FGF14: variants seen among roughly 807,000 people sequenced by gnomAD.
FGF14 encodes fibroblast growth factor homologous factor 4.
FGF14 carries 5 observed loss-of-function variants against 25.5 expected under a neutral mutation model. That is an observed-to-expected ratio of 0.20 (90% CI 0.10 to 0.41). FGF14 has a LOEUF of 0.41. Ranked by LOEUF, FGF14 falls within the 10% of genes least tolerant of loss-of-function variation. The pLI, the probability that FGF14 is intolerant of heterozygous loss-of-function variation, is 1.00. For synonymous variants in FGF14, 138 were observed against 118.3 expected, an observed-to-expected ratio of 1.17 and a Z score of -1.08; for missense variants, 222 against 320.1, an observed-to-expected ratio of 0.69 and a Z score of 2.34.
chr13:101,918,517 C>G (rs112107447), upstream of FGF14, among the ~76,000 whole-genome samples: 159 of 152,290 alleles, frequency 1.0e-3, no homozygotes, highest in African/African-American at 3.6e-3. Flanking sequence ...AAGCACACTA[C>G]GCAGGCAGCC....
chr13:101,736,668 G>C lies in FGF14; in HGVS notation c.409-9858C>G, dbSNP rs2036209994. On this transcript the variant is annotated intron_variant, in intron 3 of 4. Coordinates refer to ENST00000376143, the MANE Select transcript of FGF14 (RefSeq NM_004115.4). ...TAAAGGAGAGCTAAGGTGAGAATTG[G>C]TGATGGTTAATATTTATTTACTTAT... Among the ~76,000 whole-genome samples, 4 of 152,116 alleles carry C rather than the reference G, an allele frequency of 2.6e-5. No individual in the cohort carries two copies. The South Asian group carries it at 8.3e-4, about 32-fold the overall frequency.
At chr13:102,262,530 T>C (rs2052768835) in intron 1 of FGF14, among the ~76,000 whole-genome samples, 1 of 152,136 alleles carries the variant, frequency 6.6e-6, no homozygotes, top group African/African-American at 2.4e-5. Flanking sequence ...CTTTCTAAAA[T>C]TCCTAGCAGG....
At chr13:102,311,497 A>T (rs1488265783) in intron 1 of FGF14, among the ~76,000 whole-genome samples, 1 of 152,178 alleles carries the variant, frequency 6.6e-6, no homozygotes, top group Non-Finnish European at 1.5e-5. Context: ...GGCCGATTTA[A>T]AAGTCACCTC....
At chr13:102,162,120 T>C (rs1381756877) in intron 1 of FGF14, among the ~76,000 whole-genome samples, 1 of 152,184 alleles carries the variant, frequency 6.6e-6, no homozygotes, top group Non-Finnish European at 1.5e-5. Context: ...GAGGAGGGAC[T>C]AGAACAAGTT....
intron 3 of FGF14, among the ~76,000 whole-genome samples, chr13:101,776,679 G>C (rs139793712): frequency 1.3e-5 from 2 of 152,124 alleles, no homozygotes; most frequent in African/African-American, 4.8e-5. Context: ...AGATCTGGTC[G>C]CATGAAGCAT....
intron 1 of FGF14, among the ~76,000 whole-genome samples, chr13:101,879,934 G>A (rs1240702246): frequency 1.3e-5 from 2 of 152,066 alleles, no homozygotes; most frequent in African/African-American, 2.4e-5. Context: ...CTGTGTCCAG[G>A]AACTTTTCCA....
At chr13:101,960,606 G>T (rs931379256) in intron 1 of FGF14, among the ~76,000 whole-genome samples, 2 of 152,052 alleles carry the variant, frequency 1.3e-5, no homozygotes, top group Non-Finnish European at 2.9e-5. Flanking sequence ...TGGGCATTTA[G>T]GTTGATTCCA....
At chr13:102,039,444 T>C (rs2139987845) in intron 1 of FGF14, among the ~76,000 whole-genome samples, 1 of 152,166 alleles carries the variant, frequency 6.6e-6, no homozygotes, top group East Asian at 1.9e-4. Flanking sequence ...GAAGCCAAAA[T>C]CAAGGGGCCA....
At chr13:102,087,403 ATTTC>A (rs1433913537) in intron 1 of FGF14, among the ~76,000 whole-genome samples, 3 of 80,522 alleles carry the variant, frequency 3.7e-5, no homozygotes, top group African/African-American at 8.9e-5. Context: ...ATAGACTGTA[ATTTC>A]TTTTTTTTTT....
chr13:101,836,006 C>G (rs755467546), intron 3 of FGF14, among the ~76,000 whole-genome samples: 28 of 151,998 alleles, frequency 1.8e-4, no homozygotes, highest in Admixed American at 2.6e-4. Context: ...TTTGCATAGA[C>G]CAGATGCAGA....
At chr13:102,206,523 A>C (rs547273664) in intron 1 of FGF14, among the ~76,000 whole-genome samples, 116 of 152,190 alleles carry the variant, frequency 7.6e-4, no homozygotes, top group African/African-American at 2.6e-3. Context: ...TCCACCAAAA[A>C]ATACAAAATT....
chr13:102,062,697 G>T (rs775542765), intron 1 of FGF14, among the ~76,000 whole-genome samples: 1 of 152,098 alleles, frequency 6.6e-6, no homozygotes, highest in Non-Finnish European at 1.5e-5. Context: ...CTGAAGAGAA[G>T]AAATGTAAAA....
intron 1 of FGF14, among the ~76,000 whole-genome samples, chr13:102,129,426 G>C (rs901813622): frequency 6.6e-6 from 1 of 152,072 alleles, no homozygotes; most frequent in Non-Finnish European, 1.5e-5. Context: ...GTGGACGAGC[G>C]TTGAACCTGG....
At chr13:102,232,182 A>G (rs2051114769) in intron 1 of FGF14, among the ~76,000 whole-genome samples, 2 of 152,214 alleles carry the variant, frequency 1.3e-5, no homozygotes, top group African/African-American at 4.8e-5. Context: ...CATTGAACAA[A>G]CCTAACTACA....
At chr13:101,924,064 G>T (rs566753402) in intron 1 of FGF14, among the ~76,000 whole-genome samples, 46 of 152,134 alleles carry the variant, frequency 3.0e-4, no homozygotes, top group Admixed American at 9.8e-4. Context: ...AGTAGTGGAA[G>T]ATTAAAATAC....
Position 102,161,640 on chromosome 13 carries a change from G to C in FGF14, c.208+239831C>G, listed in dbSNP as rs1566764980. Reference sequence around the variant, plus strand: ...AGAAGAAGAAGAAGAAGAAGAAGAAGAAGAAGAAGAAGAAGAAGAAGAAGA... The same window carrying C: ...AGAAGAAGAAGAAGAAGAAGAAGAACAAGAAGAAGAAGAAGAAGAAGAAGA... On this transcript the variant is annotated intron_variant, in intron 1 of 4. Transcript: ENST00000376131. Among the ~76,000 whole-genome samples, 67 of 10,234 alleles carry C rather than the reference G, an allele frequency of 6.5e-3. 1 individual carries two copies. Among genetic ancestry groups the C allele is most frequent in the Non-Finnish European group, 9.6e-3 (48 of 5,006 alleles). 6.7% of individuals were successfully genotyped at this position (10,234 alleles called of 152,430 possible).
At chr13:102,195,882 A>G (rs1218349395) in intron 1 of FGF14, among the ~76,000 whole-genome samples, 1 of 152,198 alleles carries the variant, frequency 6.6e-6, no homozygotes, top group Non-Finnish European at 1.5e-5. Context: ...TTTATCAGTA[A>G]TTATACTAAC....
At chr13:102,329,505 C>T (rs1161479009) in intron 1 of FGF14, among the ~76,000 whole-genome samples, 1 of 152,178 alleles carries the variant, frequency 6.6e-6, no homozygotes, top group Non-Finnish European at 1.5e-5. Flanking sequence ...ATTGCAACCA[C>T]CTGCTGACCA....
chr13:101,981,679 G>A (rs899263453), intron 1 of FGF14, among the ~76,000 whole-genome samples: 3 of 151,972 alleles, frequency 2.0e-5, no homozygotes, highest in South Asian at 2.1e-4. Context: ...AAAAACCCTC[G>A]AAATTATACT....
Sources: gnomAD v4.1 joint callset for allele counts (sites outside exome capture counted in the v4.1 genomes callset) on GRCh38, gnomAD v4.1.1 for gene constraint, MANE v1.5 for transcripts, NCBI Gene and HGNC (gene_info 2026-07-23, HGNC 2026-07-21) for gene names.